Variants in RORA observed in about 807,000 individuals in gnomAD.
RORA encodes the protein RAR related orphan receptor A, also known as nuclear receptor ROR-alpha.
A neutral mutation model predicts 69.5 loss-of-function variants in RORA; 7 were observed. The ratio of observed to expected loss-of-function variants is 0.10; its 90% confidence interval spans 0.06 to 0.19. The LOEUF (loss-of-function observed/expected upper bound fraction) is 0.19, where lower values mean the gene tolerates loss of function less well. Ranked by LOEUF, RORA falls within the 10% of genes least tolerant of loss-of-function variation. The pLI is 1.00. For synonymous variants in RORA, 261 were observed against 240.8 expected, an observed-to-expected ratio of 1.08 and a Z score of -0.78; for missense variants, 457 against 663.0, an observed-to-expected ratio of 0.69 and a Z score of 3.41.
chr15:60,586,774 T>C (rs2068347349), intron 2 of RORA, among the ~76,000 whole-genome samples: 2 of 152,122 alleles, frequency 1.3e-5, no homozygotes, highest in Non-Finnish European at 2.9e-5. Flanking sequence ...TGAGTGACTT[T>C]AAAGGTTTCG....
intron 1 of RORA, among the ~76,000 whole-genome samples, chr15:61,203,380 C>G (rs1251510777): frequency 6.6e-6 from 1 of 152,164 alleles, no homozygotes; most frequent in Non-Finnish European, 1.5e-5. Flanking sequence ...CTGTCTTGAT[C>G]TGAGTGATGG....
chr15:60,524,778 C>T (rs2066292146), intron 3 of RORA, among the ~76,000 whole-genome samples: 1 of 152,220 alleles, frequency 6.6e-6, no homozygotes, highest in East Asian at 1.9e-4. Flanking sequence ...ATGCTGAGCA[C>T]CTGCTCCCTA....
chr15:60,583,630 C>T (rs2068252732), intron 2 of RORA, among the ~76,000 whole-genome samples: 2 of 152,180 alleles, frequency 1.3e-5, no homozygotes, highest in South Asian at 4.1e-4. Context: ...GGGTTCTCTC[C>T]TGTTTGGGCC....
intron 1 of RORA, among the ~76,000 whole-genome samples, chr15:61,136,312 T>A (rs887892851): frequency 1.3e-5 from 2 of 152,328 alleles, no homozygotes; most frequent in African/African-American, 4.8e-5. Flanking sequence ...TAAACAGTTA[T>A]GTGATGCTGA....
intron 2 of RORA, among the ~76,000 whole-genome samples, chr15:60,581,698 A>G (rs1037181974): frequency 6.6e-6 from 1 of 152,224 alleles, no homozygotes; most frequent in Non-Finnish European, 1.5e-5. Flanking sequence ...AATTCCACAC[A>G]AGGAAATAAA....
chr15:61,171,619 T>C (rs1316056237), intron 1 of RORA, among the ~76,000 whole-genome samples: 1 of 152,154 alleles, frequency 6.6e-6, no homozygotes, highest in Non-Finnish European at 1.5e-5. Flanking sequence ...TAGCCCTACT[T>C]GACTAATAAT....
intron 1 of RORA, among the ~76,000 whole-genome samples, chr15:60,896,732 CTTTTT>C (rs66780614): frequency 1.8e-4 from 21 of 117,154 alleles, no homozygotes; most frequent in East Asian, 4.7e-4. Flanking sequence ...GAGAATTTAG[CTTTTT>C]TTTTTTTTTT....
At chr15:60,776,175 C>A (rs1281624226) in intron 1 of RORA, among the ~76,000 whole-genome samples, 2 of 152,154 alleles carry the variant, frequency 1.3e-5, no homozygotes, top group Non-Finnish European at 2.9e-5. Context: ...TGAAGGCACT[C>A]ATGACCAGCT....
intron 1 of RORA, among the ~76,000 whole-genome samples, chr15:61,214,772 A>G (rs899862392): frequency 2.0e-4 from 30 of 151,986 alleles, no homozygotes; most frequent in African/African-American, 7.0e-4. Flanking sequence ...CTCCTGGACA[A>G]TTACTGCCAA....
intron 1 of RORA, among the ~76,000 whole-genome samples, chr15:61,183,567 T>C (rs542496304): frequency 7.3e-5 from 11 of 151,160 alleles, no homozygotes; most frequent in Non-Finnish European, 1.6e-4. Flanking sequence ...AACTGGCTCA[T>C]GGATGGACAG....
intron 1 of RORA, among the ~76,000 whole-genome samples, chr15:60,906,244 A>T (rs751945307): frequency 2.0e-5 from 3 of 152,216 alleles, no homozygotes; most frequent in Non-Finnish European, 4.4e-5. Flanking sequence ...CTGTACCGAC[A>T]AAAACCTTCT....
chr15:60,723,131 T>C (rs2071313847), intron 1 of RORA, among the ~76,000 whole-genome samples: 1 of 152,246 alleles, frequency 6.6e-6, no homozygotes, highest in Non-Finnish European at 1.5e-5. Context: ...GAATTTTATG[T>C]ATTATTTAAA....
intron 1 of RORA, among the ~76,000 whole-genome samples, chr15:61,013,937 C>T (rs1056637118): frequency 2.0e-5 from 3 of 152,022 alleles, no homozygotes; most frequent in Non-Finnish European, 4.4e-5. Flanking sequence ...GCGCCCGCCA[C>T]CACGCCAGGC....
At chr15:61,071,229 A>G in intron 1 of RORA, among the ~76,000 whole-genome samples, 1 of 30,690 alleles carries the variant, frequency 3.3e-5, no homozygotes, top group Non-Finnish European at 6.0e-5. Context: ...AGGGGAAGGG[A>G]AGGGAGGGGA....
At chr15:61,024,270 CTTTTTT>C (rs34008494) in intron 1 of RORA, among the ~76,000 whole-genome samples, 5 of 79,414 alleles carry the variant, frequency 6.3e-5, no homozygotes, top group Admixed American at 1.8e-4. Context: ...TCTTGGATCT[CTTTTTT>C]TTTTTTTTTT....
chr15:60,997,175 G>A (rs1894577857), intron 1 of RORA, among the ~76,000 whole-genome samples: 1 of 152,034 alleles, frequency 6.6e-6, no homozygotes, highest in South Asian at 2.1e-4. Flanking sequence ...TTGGAGGGGA[G>A]GGTCAACATA....
In RORA at chr15:60,722,490, T is replaced by G. The variant is rs540588890; in HGVS notation, c.167-43804A>C. ...AGGACTTACGTGCAGCTCTCTGACC[T>G]TCCTCTGGCTCTGATTAGCCCCTGA... On this transcript the variant is annotated intron_variant, in intron 1 of 10. Transcript: ENST00000335670. 2.0e-5 allele frequency among the ~76,000 whole-genome samples: 3 copies of G among 152,332 alleles called. No individual in the cohort carries two copies. The South Asian group carries it at 6.2e-4, about 32-fold the overall frequency.
At chr15:61,097,317 A>C (rs2078805046) in intron 1 of RORA, among the ~76,000 whole-genome samples, 1 of 152,220 alleles carries the variant, frequency 6.6e-6, no homozygotes, top group South Asian at 2.1e-4. Context: ...TGCATGCAAA[A>C]TAAATAAAAG....
At chr15:60,939,105 G>A (rs1029717354) in intron 1 of RORA, among the ~76,000 whole-genome samples, 2 of 152,162 alleles carry the variant, frequency 1.3e-5, no homozygotes, top group East Asian at 1.9e-4. Flanking sequence ...CCTCGGCATC[G>A]CAGCTCCTGA....
Sources: gnomAD v4.1 joint callset for allele counts (sites outside exome capture counted in the v4.1 genomes callset) on GRCh38, gnomAD v4.1.1 for gene constraint, MANE v1.5 for transcripts, NCBI Gene and HGNC (gene_info 2026-07-23, HGNC 2026-07-21) for gene names.